Variants in TMEM8B observed in about 807,000 individuals in gnomAD.
TMEM8B encodes transmembrane protein 8B, also known as nasopharyngeal carcinoma expressed 6.
TMEM8B carries 29 observed loss-of-function variants against 49.3 expected under a neutral mutation model. That is an observed-to-expected ratio of 0.59 (90% confidence interval 0.44 to 0.80). TMEM8B has a LOEUF of 0.80. TMEM8B is among the 30% of genes least tolerant of loss of function. The pLI, the probability that TMEM8B is intolerant of heterozygous loss-of-function variation, is 0.00. For missense variants in TMEM8B, 575 were observed against 658.5 expected, an observed-to-expected ratio of 0.87 and a Z score of 1.39; for synonymous variants, 264 against 272.8, an observed-to-expected ratio of 0.97 and a Z score of 0.32.
rs1372797948 is a variant in TMEM8B, at chr9:35,862,943, C to T, written c.*9103C>T. The T allele has an allele frequency of 2.0e-5, 3 of 152,226 alleles. No homozygotes were observed. The highest frequency in any genetic ancestry group is 4.8e-5 in the African/African-American group (2 of 41,448). 9.4% of individuals were successfully genotyped at this position (152,226 alleles called of 1,614,324 possible). ...CCAGTGACCCGCAGCCAGGAGGTGT[C>T]AGTGATTGCCATTTGAGTTGAACTA... On this transcript the variant is annotated 3_prime_UTR_variant, in exon 13 of 13. Transcript: ENST00000643932.
chr9:35,848,872 A>T (rs554132047), intron 10 of TMEM8B, among the ~76,000 whole-genome samples: 4 of 151,876 alleles, frequency 2.6e-5, no homozygotes, highest in African/African-American at 9.7e-5. Flanking sequence ...ACAGGATTTC[A>T]CCATGTTGGC....
At chr9:35,852,475 G>T (rs2132397191) in intron 10 of TMEM8B, among the ~76,000 whole-genome samples, 1 of 152,198 alleles carries the variant, frequency 6.6e-6, no homozygotes, top group East Asian at 1.9e-4. Flanking sequence ...GGGATTATAG[G>T]TGGGATCCAT....
In TMEM8B at chr9:35,841,585, G is replaced by A. The variant is rs772506282; in HGVS notation, c.1100G>A (p.Arg367His). 7.2e-6 allele frequency: 3 copies of A among 416,816 alleles called. No individual in the cohort carries two copies. The highest frequency in any genetic ancestry group is 3.1e-4 in the Middle Eastern group (1 of 3,228). The allele number at this position is 416,816 out of a possible 1,614,324, so 25.8% of individuals were successfully genotyped here. Residue 367 changes from arginine to histidine, a missense_variant, in exon 5 of 13, where the codon CGT becomes CAT. Arg to His is a conservative substitution (Grantham distance 29, BLOSUM62 0). Coordinates refer to ENST00000643932, the MANE Select transcript of TMEM8B (RefSeq NM_001042590.4). The surrounding 1 kb of genome is among the most constrained non-coding windows in gnomAD (Gnocchi z 5.9). ...VSAQLVCVGG[R>H]GVSACPLSLR... is the part of the protein sequence containing the mutation. ...GCACAGCTGGTGTGTGTGGGGGGCC[G>A]TGGGGTATCTGCCTGCCCCCTGTCA...
At position 35,865,498 on chromosome 9, in the gene TMEM8B, A is replaced by G. The variant is rs1476860412; in HGVS notation, c.*11658A>G. The G allele has an allele frequency of 1.3e-5, 2 of 152,202 alleles. No homozygotes were observed. The highest frequency in any genetic ancestry group is 2.9e-5 in the Non-Finnish European group (2 of 68,026). 9.4% of individuals were successfully genotyped at this position (152,202 alleles called of 1,614,324 possible). On this transcript the variant is annotated 3_prime_UTR_variant, in exon 13 of 13. Transcript: ENST00000643932. Reference sequence around the variant, plus strand: ...CTTCAATAAAGCAGCAGAAGTTGCAAAGTTTCCTATGATGCTATAATTTGT... The same window carrying G: ...CTTCAATAAAGCAGCAGAAGTTGCAGAGTTTCCTATGATGCTATAATTTGT...
rs887990653 is a variant in TMEM8B at position 35,842,318 on chromosome 9, C to G, written c.1310-74C>G. 3.4e-6 allele frequency: 4 copies of G among 1,177,036 alleles called. No individual in the cohort carries two copies. Among genetic ancestry groups the G allele is most frequent in the Non-Finnish European group, 3.5e-6 (3 of 860,586 alleles). 72.9% of individuals were successfully genotyped at this position (1,177,036 alleles called of 1,614,324 possible). A position where few individuals can be genotyped will look rare whatever the true frequency, so the allele number is the denominator to read the frequency against. Reference sequence around the variant, plus strand: ...CCACTCTTTGCGAAATCCTGTCTAGCTCAGATGTGTTTATGAGTAAGTTCA... The same window carrying G: ...CCACTCTTTGCGAAATCCTGTCTAGGTCAGATGTGTTTATGAGTAAGTTCA... On this transcript the variant is annotated intron_variant, in intron 5 of 12. Transcript: ENST00000643932. The surrounding 1 kb of genome is among the most constrained non-coding windows in gnomAD (Gnocchi z 5.6).
rs1351424934 is a variant in TMEM8B at position 35,853,282 on chromosome 9, G to A, written c.2439+25G>A. 6 of 1,590,040 alleles carry A rather than the reference G, an allele frequency of 3.8e-6. No homozygotes were observed. Among genetic ancestry groups the A allele is most frequent in the Middle Eastern group, 1.7e-4 (1 of 6,032 alleles). ...GGTAAGGGTGGGGAGGGATGTGGGG[G>A]GAGGGTCCCAGCAGGACTTGGGTGC... On this transcript the variant is annotated intron_variant, in intron 12 of 12. Transcript: ENST00000643932. This position sits in a 1 kb window ranked among gnomAD's most constrained non-coding sequence, Gnocchi z 4.2.
At chr9:35,833,471 G>T in intron 1 of TMEM8B, 1 of 495,794 alleles carries the variant, frequency 2.0e-6, no homozygotes. Context: ...TGCCTCCACT[G>T]TGACAGCTAT....
rs1210676258 is a variant in TMEM8B, at chr9:35,842,572, A to G, written c.1490A>G (p.Glu497Gly). Residue 497 changes from glutamate (E) to glycine (G), a missense_variant, in exon 6 of 13, where the codon GAG (glutamate) becomes GGG (glycine). Coordinates refer to ENST00000643932, the MANE Select transcript of TMEM8B (RefSeq NM_001042590.4). The surrounding 1 kb of genome is among the most constrained non-coding windows in gnomAD (Gnocchi z 5.6). ...CWPVRPTLRN[E>G]LDTFSVHFYI... ...CCAGTGCGCCCGACTCTGCGCAACG[A>G]GCTGGACACCTTCTCTGTCCACTTC... 1 of 1,614,080 alleles carries G rather than the reference A, an allele frequency of 6.2e-7. No individual in the cohort carries two copies. The highest frequency in any genetic ancestry group is 1.3e-5 in the African/African-American group (1 of 74,928).
Position 35,853,029 on chromosome 9 carries a change from C to G in TMEM8B, c.2322+56C>G, listed in dbSNP as rs1027610032. On this transcript the variant is annotated intron_variant, in intron 11 of 12. Coordinates refer to ENST00000643932, the MANE Select transcript of TMEM8B (RefSeq NM_001042590.4). This position sits in a 1 kb window ranked among gnomAD's most constrained non-coding sequence, Gnocchi z 4.2. ...CATGGCCAAGTCTCCTTGAAATCCACTCCTGACCTCTCCCTGGGGGCATTT... is the reference window on the plus strand; with the variant it reads ...CATGGCCAAGTCTCCTTGAAATCCAGTCCTGACCTCTCCCTGGGGGCATTT... 1 of 1,612,014 alleles carries G rather than the reference C, an allele frequency of 6.2e-7. No homozygotes were observed. Among genetic ancestry groups the G allele is most frequent in the Admixed American group, 1.7e-5 (1 of 59,892 alleles).
chr9:35,845,869 T>A (rs558972934), intron 6 of TMEM8B, 106 bp from the exon 7 acceptor site: 2 of 1,594,338 alleles, frequency 1.3e-6, no homozygotes, highest in East Asian at 4.5e-5. Flanking sequence ...CCGGGAGGAA[T>A]GGGCTGTCCT....
At chr9:35,830,210 T>A (rs1829723995) in intron 1 of TMEM8B, among the ~76,000 whole-genome samples, 1 of 152,216 alleles carries the variant, frequency 6.6e-6, no homozygotes, top group African/African-American at 2.4e-5. Flanking sequence ...GTGTCTGTCC[T>A]GACCCCACTT....
intron 1 of TMEM8B, 50 bp from the exon 2 acceptor site, chr9:35,834,411 G>A (rs1441952921): frequency 4.9e-6 from 2 of 409,878 alleles, no homozygotes; most frequent in Non-Finnish European, 8.8e-6. Context: ...TTGCTTAATG[G>A]AAATGCCCTC....
rs1453703856 is a variant in TMEM8B at position 35,842,618 on chromosome 9, T to C, written c.1536T>C (p.Ser512=). Residue 512 remains serine, a synonymous_variant, in exon 6 of 13, where the codon AGT becomes AGC. Coordinates refer to ENST00000643932, the MANE Select transcript of TMEM8B (RefSeq NM_001042590.4). The surrounding 1 kb of genome is among the most constrained non-coding windows in gnomAD (Gnocchi z 5.6). ...SVHFYIFFGP[S]VALPPERPAV... ...ACTTCTACATCTTCTTTGGCCCAAG[T>C]GTGGCCCTTCCCCCTGAGCGCCCAG... 3 of 1,614,192 alleles carry C rather than the reference T, an allele frequency of 1.9e-6. No homozygotes were observed. Among genetic ancestry groups the C allele is most frequent in the Non-Finnish European group, 1.7e-6 (2 of 1,180,026 alleles).
Position 35,851,622 on chromosome 9 carries a change from C to T in TMEM8B, c.2176-1205C>T, listed in dbSNP as rs570918009. On this transcript the variant is annotated intron_variant, in intron 10 of 12. Coordinates refer to ENST00000643932, the MANE Select transcript of TMEM8B (RefSeq NM_001042590.4). ...AAACATGTTCATCCTTAGGCAGTCT[C>T]TTTTTGCAGGAGCAAAATTCTTTAC... is the stretch of plus-strand genomic sequence containing the variant. Among the ~76,000 whole-genome samples the T allele has an allele frequency of 1.2e-4, 19 of 152,292 alleles. No homozygotes were observed. In the East Asian group the frequency reaches 3.3e-3, roughly 26 times the overall value.
At chr9:35,846,732 G>A (rs879022922) in intron 9 of TMEM8B, 85 bp from the exon 10 acceptor site, 3 of 1,545,902 alleles carry the variant, frequency 1.9e-6, no homozygotes, top group South Asian at 2.4e-5. Context: ...TGGCAGAGCC[G>A]GGGTGAGACC....
rs758850281 is a variant in TMEM8B, at chr9:35,853,351, C to G, written c.2439+94C>G. 5 of 1,450,312 alleles carry G rather than the reference C, an allele frequency of 3.4e-6. No individual in the cohort carries two copies. The highest frequency in any genetic ancestry group is 4.8e-6 in the Non-Finnish European group (5 of 1,051,582). The allele number at this position is 1,450,312 out of a possible 1,614,324, so 89.8% of individuals were successfully genotyped here. ...TCCCCAGTTTAAGGTGGGCTTGGCT[C>G]TGTCGTCATCACCTGCTGCTGGCAG... On this transcript the variant is annotated intron_variant, in intron 12 of 12. Coordinates refer to ENST00000643932, the MANE Select transcript of TMEM8B (RefSeq NM_001042590.4). This position sits in a 1 kb window ranked among gnomAD's most constrained non-coding sequence, Gnocchi z 4.2.
In TMEM8B at chr9:35,829,373, G is replaced by A. The variant is rs1409051424; in HGVS notation, c.-75G>A. ...GGACACCGGAGGCCACCCCCCGGGGGTGGGGAGCGGAGCCGCGGGCCAGCT... is the reference window on the plus strand; with the variant it reads ...GGACACCGGAGGCCACCCCCCGGGGATGGGGAGCGGAGCCGCGGGCCAGCT... On this transcript the variant is annotated 5_prime_UTR_variant, in exon 1 of 13. It adds an upstream start codon to the 5' untranslated region. Coordinates refer to ENST00000643932, the MANE Select transcript of TMEM8B (RefSeq NM_001042590.4). 1.1e-4 allele frequency: 41 copies of A among 374,466 alleles called. No homozygotes were observed. Among genetic ancestry groups the A allele is most frequent in the Middle Eastern group, 6.7e-4 (1 of 1,490 alleles). 23.2% of individuals were successfully genotyped at this position (374,466 alleles called of 1,614,324 possible). A position where few individuals can be genotyped will look rare whatever the true frequency, so the allele number is the denominator to read the frequency against.
At position 35,863,216 on chromosome 9, in the gene TMEM8B, C is replaced by G. The variant is rs1051770907; in HGVS notation, c.*9376C>G. The G allele has an allele frequency of 3.3e-5, 5 of 152,232 alleles. No homozygotes were observed. Among genetic ancestry groups the G allele is most frequent in the African/African-American group, 1.2e-4 (5 of 41,414 alleles). The allele number at this position is 152,232 out of a possible 1,614,324, so 9.4% of individuals were successfully genotyped here. A position where few individuals can be genotyped will look rare whatever the true frequency, so the allele number is the denominator to read the frequency against. ...GCCTCAAAATCAATTCCCCCTTCCC[C>G]CTCCAACACATACACCGCAACAGAA... On this transcript the variant is annotated 3_prime_UTR_variant, in exon 13 of 13. Transcript: ENST00000643932.
chr9:35,853,394 G>A lies in TMEM8B; in HGVS notation c.2440-111G>A, dbSNP rs1017949763. The A allele has an allele frequency of 1.3e-6, 2 of 1,485,440 alleles. No homozygotes were observed. Among genetic ancestry groups the A allele is most frequent in the East Asian group, 2.3e-5 (1 of 44,166 alleles). 92.0% of individuals were successfully genotyped at this position (1,485,440 alleles called of 1,614,324 possible). A position where few individuals can be genotyped will look rare whatever the true frequency, so the allele number is the denominator to read the frequency against. On this transcript the variant is annotated intron_variant, in intron 12 of 12. Transcript: ENST00000643932. The surrounding 1 kb of genome is among the most constrained non-coding windows in gnomAD (Gnocchi z 4.2). The stretch of plus-strand genomic sequence containing the variant: ...GCTGGCAGTGTCCGCTCCAGTCTTG[G>A]CAGGTGTCTTTAGGTCACAACCAGG...
Sources: gnomAD v4.1 joint callset for allele counts (sites outside exome capture counted in the v4.1 genomes callset) on GRCh38, gnomAD v4.1.1 for gene constraint, Gnocchi (gnomAD v3.1) non-coding constraint, MANE v1.5 for transcripts, NCBI Gene and HGNC (gene_info 2026-07-23, HGNC 2026-07-21) for gene names.